The following OXR1 variants were observed in gnomAD, a reference collection of about 807,000 sequenced individuals.
OXR1 encodes the protein oxidation resistance protein 1.
A neutral mutation model predicts 104.6 loss-of-function variants in OXR1; 41 were observed. The ratio of observed to expected loss-of-function variants is 0.39; its 90% CI spans 0.31 to 0.51. OXR1 has a LOEUF of 0.51. Among genes scored for constraint, OXR1 ranks in the 20% least tolerant of loss-of-function variants. The probability of loss-of-function intolerance (pLI) is 0.77; values close to 1 mark genes in which losing one functional copy is unlikely to be tolerated. For synonymous variants in OXR1, 348 were observed against 348.4 expected (o/e 1.00, Z 0.01); for missense variants, 955 against 1,031.9 (o/e 0.93, Z 1.02).
intron 7 of OXR1, among the ~76,000 whole-genome samples, chr8:106,698,974 A>C (rs1418221205): frequency 6.6e-6 from 1 of 152,190 alleles, no homozygotes; most frequent in Middle Eastern, 3.4e-3. Flanking sequence ...ATTCCTACAT[A>C]TATTCTTGCA....
chr8:106,301,947 T>G (rs992505096), intron 1 of OXR1, among the ~76,000 whole-genome samples: 3 of 152,060 alleles, frequency 2.0e-5, no homozygotes. Context: ...TAAAAGAACA[T>G]AAAAGTATCA....
At chr8:106,685,266 A>G (rs1828586065) in intron 6 of OXR1, among the ~76,000 whole-genome samples, 1 of 152,166 alleles carries the variant, frequency 6.6e-6, no homozygotes, top group Non-Finnish European at 1.5e-5. Flanking sequence ...TGGGACTTAC[A>G]AAGAGATGTA....
At chr8:106,545,520 C>T (rs1010075713) in intron 3 of OXR1, among the ~76,000 whole-genome samples, 17 of 152,170 alleles carry the variant, frequency 1.1e-4, no homozygotes, top group African/African-American at 3.9e-4. Context: ...TTCACTCTTC[C>T]AGACACACAA....
intron 2 of OXR1, among the ~76,000 whole-genome samples, chr8:106,482,960 C>T (rs140196889): frequency 2.0e-3 from 298 of 152,132 alleles, no homozygotes; most frequent in African/African-American, 6.9e-3. Context: ...ATAATCTTCA[C>T]AGTTAATGAC....
At chr8:106,653,083 A>AAAAAT (rs1554611974) in intron 3 of OXR1, among the ~76,000 whole-genome samples, 70 of 137,154 alleles carry the variant, frequency 5.1e-4, no homozygotes, top group South Asian at 1.6e-3. Flanking sequence ...AAAAAAAAAA[A>AAAAAT]ATATATATAT....
chr8:106,581,960 G>T (rs1233814774), intron 3 of OXR1, among the ~76,000 whole-genome samples: 4 of 141,116 alleles, frequency 2.8e-5, no homozygotes, highest in Non-Finnish European at 4.5e-5. Flanking sequence ...GGAGGTGGAG[G>T]TTGCAGTAAA....
chr8:106,535,029 C>CT (rs1014316110), intron 3 of OXR1, among the ~76,000 whole-genome samples: 1 of 152,138 alleles, frequency 6.6e-6, no homozygotes, highest in Non-Finnish European at 1.5e-5. Flanking sequence ...GTGGCGCCTT[C>CT]TCAGCTCACT....
intron 2 of OXR1, among the ~76,000 whole-genome samples, chr8:106,476,577 T>C (rs528724758): frequency 6.6e-6 from 1 of 151,882 alleles, no homozygotes; most frequent in Non-Finnish European, 1.5e-5. Context: ...CTAATAAATG[T>C]CCTTTGTGGC....
intron 3 of OXR1, among the ~76,000 whole-genome samples, chr8:106,614,325 T>C (rs771231653): frequency 5.3e-5 from 8 of 152,236 alleles, no homozygotes; most frequent in Non-Finnish European, 1.2e-4. Flanking sequence ...TTTAAGTCAC[T>C]TTATCACAAC....
At chr8:106,301,802 T>C (rs924635993) in intron 1 of OXR1, among the ~76,000 whole-genome samples, 1 of 152,224 alleles carries the variant, frequency 6.6e-6, no homozygotes, top group African/African-American at 2.4e-5. Flanking sequence ...TATGACAGAA[T>C]AGGTAGAAAT....
chr8:106,557,054 C>A (rs568927590), intron 3 of OXR1, among the ~76,000 whole-genome samples: 3 of 152,236 alleles, frequency 2.0e-5, no homozygotes, highest in Admixed American at 1.3e-4. Context: ...GAATCTAATT[C>A]TTTCTTTTTC....
intron 2 of OXR1, among the ~76,000 whole-genome samples, chr8:106,418,846 G>T (rs572302734): frequency 2.6e-5 from 4 of 152,038 alleles, no homozygotes; most frequent in Non-Finnish European, 5.9e-5. Flanking sequence ...TCACCAAAAT[G>T]TTGACAGTGG....
chr8:106,364,546 C>T (rs1363880707), intron 2 of OXR1, among the ~76,000 whole-genome samples: 2 of 152,136 alleles, frequency 1.3e-5, no homozygotes, highest in South Asian at 2.1e-4. Context: ...CACCACTGCA[C>T]TCCAGCCTGG....
chr8:106,712,007 A>G (rs1042987521), intron 10 of OXR1, among the ~76,000 whole-genome samples: 2 of 152,222 alleles, frequency 1.3e-5, no homozygotes, highest in African/African-American at 2.4e-5. Context: ...GACCTTTCCT[A>G]TATCCATTGA....
intron 1 of OXR1, among the ~76,000 whole-genome samples, chr8:106,302,378 C>G (rs553212844): frequency 1.3e-5 from 2 of 151,894 alleles, no homozygotes; most frequent in Non-Finnish European, 2.9e-5. Flanking sequence ...GTCAGGAGAT[C>G]GAGATCATCC....
chr8:106,323,466 CAA>C (rs1016615383), intron 1 of OXR1, among the ~76,000 whole-genome samples: 1 of 152,032 alleles, frequency 6.6e-6, no homozygotes, highest in African/African-American at 2.4e-5. Flanking sequence ...GATTTCATGA[CAA>C]AGACAACAAA....
intron 1 of OXR1, among the ~76,000 whole-genome samples, chr8:106,358,971 T>A (rs1359016078): frequency 3.3e-5 from 5 of 152,150 alleles, no homozygotes; most frequent in Admixed American, 6.6e-5. Flanking sequence ...AGCGAATAAT[T>A]TAATTCACTA....
At chr8:106,742,156 A>T (rs1379074977) in intron 14 of OXR1, 66 bp from the exon 15 acceptor site, 2 of 896,642 alleles carry the variant, frequency 2.2e-6, no homozygotes, top group Non-Finnish European at 3.7e-6. Context: ...AACATATATG[A>T]TGAAATAATG....
chr8:106,282,409 T>C (rs1812326370), intron 1 of OXR1, among the ~76,000 whole-genome samples: 1 of 152,188 alleles, frequency 6.6e-6, no homozygotes, highest in Non-Finnish European at 1.5e-5. Flanking sequence ...AACTTTTTAT[T>C]TCAAGTATAG....
Sources: allele counts gnomAD v4.1 joint callset (sites outside exome capture counted in the v4.1 genomes callset), GRCh38; gene constraint gnomAD v4.1.1; transcripts MANE v1.5; gene names NCBI Gene and HGNC (gene_info 2026-07-23, HGNC 2026-07-21).